The following NKD1 variants were observed in gnomAD, a reference collection of about 807,000 sequenced individuals.
NKD1 encodes the protein protein naked cuticle homolog 1.
A neutral mutation model predicts 56.0 loss-of-function variants in NKD1; 21 were observed. The observed-to-expected ratio is 0.38, with a 90% CI of 0.27 to 0.54. The LOEUF is 0.54. NKD1 is among the 20% of genes least tolerant of loss of function. The probability of loss-of-function intolerance (pLI) is 0.82; values close to 1 mark genes in which losing one functional copy is unlikely to be tolerated. For synonymous variants in NKD1, 263 were observed against 265.7 expected (o/e 0.99, Z 0.10); for missense variants, 578 against 642.7 (o/e 0.90, Z 1.09).
At chr16:50,549,865 G>A (rs1026281281) in intron 3 of NKD1, among the ~76,000 whole-genome samples, 1 of 152,110 alleles carries the variant, frequency 6.6e-6, no homozygotes, top group Non-Finnish European at 1.5e-5. Flanking sequence ...CTTCTACCTT[G>A]TTTCTGCCAC....
chr16:50,580,070 G>A (rs960561615), intron 3 of NKD1, among the ~76,000 whole-genome samples: 11 of 151,904 alleles, frequency 7.2e-5, no homozygotes, highest in Admixed American at 3.3e-4. Flanking sequence ...CCGGCTAGTC[G>A]CTACACATGC....
intron 3 of NKD1, chr16:50,557,527 T>C (rs1046736071): frequency 6.6e-6 from 1 of 152,230 alleles, no homozygotes; most frequent in Admixed American, 6.5e-5. Flanking sequence ...TTCCTTCAAC[T>C]CCTGGCTTTC....
intron 3 of NKD1, among the ~76,000 whole-genome samples, chr16:50,583,329 G>A (rs1040497898): frequency 4.6e-5 from 7 of 152,224 alleles, no homozygotes; most frequent in Admixed American, 3.9e-4. Context: ...GTCACGTGGA[G>A]AGTGAGGCTC....
chr16:50,629,085 C>G (rs1472633406), intron 6 of NKD1, among the ~76,000 whole-genome samples: 5 of 152,108 alleles, frequency 3.3e-5, no homozygotes, highest in Non-Finnish European at 5.9e-5. Flanking sequence ...CCCACCTCAG[C>G]CTTCCAAGTA....
At chr16:50,618,774 G>C (rs967884372) in intron 4 of NKD1, among the ~76,000 whole-genome samples, 11 of 152,186 alleles carry the variant, frequency 7.2e-5, no homozygotes, top group African/African-American at 2.7e-4. Context: ...GTGGATGTCC[G>C]TGTGGCTTTC....
At chr16:50,573,392 C>CA (rs1465172720) in intron 3 of NKD1, among the ~76,000 whole-genome samples, 1 of 152,230 alleles carries the variant, frequency 6.6e-6, no homozygotes, top group Non-Finnish European at 1.5e-5. Context: ...CTTCTCCCCC[C>CA]ATCAGGTTAA....
Position 50,647,659 on chromosome 16 carries a change from A to G in NKD1, c.*13878A>G, listed in dbSNP as rs1178762573. 1.3e-5 allele frequency: 2 copies of G among 152,226 alleles called. No homozygotes were observed. The highest frequency in any genetic ancestry group is 2.9e-5 in the Non-Finnish European group (2 of 68,044). 9.4% of individuals were successfully genotyped at this position (152,226 alleles called of 1,614,324 possible). ...ATTTACCCACCCATCCTTGTCAGTCATTGGTCAAGGGCTATTTCTGTGCAT... is the reference window on the plus strand; with the variant it reads ...ATTTACCCACCCATCCTTGTCAGTCGTTGGTCAAGGGCTATTTCTGTGCAT... On this transcript the variant is annotated 3_prime_UTR_variant, in exon 10 of 10. Coordinates refer to ENST00000268459, the MANE Select transcript of NKD1 (RefSeq NM_033119.5).
At chr16:50,583,324 G>A (rs1274877423) in intron 3 of NKD1, among the ~76,000 whole-genome samples, 2 of 152,220 alleles carry the variant, frequency 1.3e-5, no homozygotes, top group Non-Finnish European at 2.9e-5. Flanking sequence ...GAGAGGTCAC[G>A]TGGAGAGTGA....
chr16:50,597,003 G>A (rs917145868), intron 3 of NKD1, among the ~76,000 whole-genome samples: 2 of 152,202 alleles, frequency 1.3e-5, no homozygotes, highest in African/African-American at 4.8e-5. Flanking sequence ...AGGAACAGAA[G>A]GGGTGAGGGA....
At chr16:50,628,565 C>G (rs1471098495) in intron 6 of NKD1, among the ~76,000 whole-genome samples, 1 of 152,208 alleles carries the variant, frequency 6.6e-6, no homozygotes, top group African/African-American at 2.4e-5. Flanking sequence ...GTGACCACAG[C>G]AGATACCCAG....
chr16:50,557,276 G>A (rs1960523537), intron 3 of NKD1: 1 of 152,222 alleles, frequency 6.6e-6, no homozygotes, highest in South Asian at 2.1e-4. Context: ...CATCTGGGGT[G>A]TTTTTCATTC....
chr16:50,564,140 CAT>C (rs1341271386), intron 3 of NKD1, among the ~76,000 whole-genome samples: 2 of 152,274 alleles, frequency 1.3e-5, no homozygotes, highest in Non-Finnish European at 2.9e-5. Flanking sequence ...TTCCTTGTAA[CAT>C]AGCTGTGTTC....
At chr16:50,549,392 C>T (rs781189838) in intron 2 of NKD1, 30 bp from the exon 3 acceptor site, 1 of 1,606,120 alleles carries the variant, frequency 6.2e-7, no homozygotes, top group Admixed American at 1.7e-5. Flanking sequence ...TGGAGCCAGA[C>T]TCAGGGGCTT....
chr16:50,635,663 G>A lies in NKD1; in HGVS notation c.*1882G>A, dbSNP rs979205932. On this transcript the variant is annotated 3_prime_UTR_variant, in exon 10 of 10. Coordinates refer to ENST00000268459, the MANE Select transcript of NKD1 (RefSeq NM_033119.5). The surrounding 1 kb of genome is among the most constrained non-coding windows in gnomAD (Gnocchi z 4.1). Reference sequence around the variant, plus strand: ...ATCCTTAGGACAGCCCCATGAGGCAGCTTGGTGGCAGCTCAGGAAGCATGT... The same window carrying A: ...ATCCTTAGGACAGCCCCATGAGGCAACTTGGTGGCAGCTCAGGAAGCATGT... 4.6e-5 allele frequency: 7 copies of A among 152,356 alleles called. No homozygotes were observed. The highest frequency in any genetic ancestry group is 6.8e-3 in the Middle Eastern group (2 of 294). The allele number at this position is 152,356 out of a possible 1,614,324, so 9.4% of individuals were successfully genotyped here. A position where few individuals can be genotyped will look rare whatever the true frequency, so the allele number is the denominator to read the frequency against.
Position 50,641,371 on chromosome 16 carries a change from G to C in NKD1, c.*7590G>C, listed in dbSNP as rs1418880861. 6.6e-6 allele frequency: 1 copy of C among 152,304 alleles called. No individual in the cohort carries two copies. 9.4% of individuals were successfully genotyped at this position (152,304 alleles called of 1,614,324 possible). A position where few individuals can be genotyped will look rare whatever the true frequency, so the allele number is the denominator to read the frequency against. ...CCCTGCCCACTCTAAGCCTCCAGAA[G>C]TCAATCCTCTGCTCACCGGGACCGT... On this transcript the variant is annotated 3_prime_UTR_variant, in exon 10 of 10. Coordinates refer to ENST00000268459, the MANE Select transcript of NKD1 (RefSeq NM_033119.5).
intron 3 of NKD1, among the ~76,000 whole-genome samples, chr16:50,559,827 A>G (rs957777328): frequency 1.3e-5 from 2 of 152,072 alleles, no homozygotes; most frequent in East Asian, 3.9e-4. Context: ...TGGGGTCCTG[A>G]GGAGGGGAGA....
chr16:50,590,155 T>G lies in NKD1; in HGVS notation c.193-18139T>G, dbSNP rs375137756. On this transcript the variant is annotated intron_variant, in intron 3 of 9. Transcript: ENST00000268459. Reference sequence around the variant, plus strand: ...CCACTGTGCCTGGCCCTGAACACTCTTTTGACCTTGATACTATAGGTGACC... The same window carrying G: ...CCACTGTGCCTGGCCCTGAACACTCGTTTGACCTTGATACTATAGGTGACC... Among the ~76,000 whole-genome samples, 13 of 152,316 alleles carry G rather than the reference T, an allele frequency of 8.5e-5. No homozygotes were observed. In the East Asian group the frequency reaches 2.5e-3, roughly 29 times the overall value.
Position 50,647,394 on chromosome 16 carries a change from G to A in NKD1, c.*13613G>A, listed in dbSNP as rs932167621. On this transcript the variant is annotated 3_prime_UTR_variant, in exon 10 of 10. Transcript: ENST00000268459. ...GCTGGGTCCTTGGGAATGATGTTGA[G>A]CAAGCACTTATACATGACCTGGCAG... 1 of 152,232 alleles carries A rather than the reference G, an allele frequency of 6.6e-6. No individual in the cohort carries two copies. Among genetic ancestry groups the A allele is most frequent in the Non-Finnish European group, 1.5e-5 (1 of 68,056 alleles). The allele number at this position is 152,232 out of a possible 1,614,324, so 9.4% of individuals were successfully genotyped here.
chr16:50,562,983 A>ACCCCCCCCCCCCC (rs1483596865), intron 3 of NKD1, among the ~76,000 whole-genome samples: 109 of 53,522 alleles, frequency 2.0e-3, no homozygotes, highest in African/African-American at 3.2e-3. Flanking sequence ...AGGTCCCACC[A>ACCCCCCCCCCCCC]CCACCCCCCC....
Sources: gnomAD v4.1 joint callset for allele counts (sites outside exome capture counted in the v4.1 genomes callset) on GRCh38, gnomAD v4.1.1 for gene constraint, Gnocchi (gnomAD v3.1) non-coding constraint, MANE v1.5 for transcripts, NCBI Gene and HGNC (gene_info 2026-07-23, HGNC 2026-07-21) for gene names.